The following CSMD1 variants were observed in gnomAD, a reference collection of about 807,000 sequenced individuals.
CSMD1 encodes the protein CUB and sushi domain-containing protein 1.
A neutral mutation model predicts 417.5 loss-of-function variants in CSMD1; 213 were observed. The ratio of observed to expected loss-of-function variants is 0.51; its 90% CI spans 0.46 to 0.57. CSMD1 has a LOEUF of 0.57. CSMD1 is among the 20% of genes least tolerant of loss of function. The probability of loss-of-function intolerance (pLI) is 0.00; values close to 1 mark genes in which losing one functional copy is unlikely to be tolerated. For missense variants in CSMD1, 6,923 were observed against 4,529.7 expected, an observed-to-expected ratio of 1.53 and a Z score of -15.17; for synonymous variants, 2,862 against 1,736.8, an observed-to-expected ratio of 1.65 and a Z score of -16.11.
At chr8:3,505,931 G>C (rs1411673326) in intron 10 of CSMD1, among the ~76,000 whole-genome samples, 2 of 152,126 alleles carry the variant, frequency 1.3e-5, no homozygotes, top group African/African-American at 4.8e-5. Context: ...ACACTAAAAA[G>C]AATGATCTCC....
rs1258943214 is a variant in CSMD1, at chr8:4,931,013, G to A, written c.85+63319C>T. ...AAGACAATATATGTATTATCAATGG[G>A]AGACATGAGAAAAAGGAAATCTGCC... On this transcript the variant is annotated intron_variant, in intron 1 of 69. Transcript: ENST00000635120. Among the ~76,000 whole-genome samples, 5 of 152,100 alleles carry A rather than the reference G, an allele frequency of 3.3e-5. No individual in the cohort carries two copies. The East Asian group carries it at 9.6e-4, about 29-fold the overall frequency.
Position 4,577,889 on chromosome 8 carries a change from G to C in CSMD1, c.302+59453C>G, listed in dbSNP as rs555563523. ...TATATATTTAATAACTAAATATATA[G>C]TAAATGTATCAAGTCCTAGGAAACA... On this transcript the variant is annotated intron_variant, in intron 2 of 69. Transcript: ENST00000635120. Among the ~76,000 whole-genome samples, 8 of 152,264 alleles carry C rather than the reference G, an allele frequency of 5.3e-5. No individual in the cohort carries two copies. The East Asian group carries it at 1.2e-3, about 22-fold the overall frequency.
At chr8:3,495,002 T>G (rs1796307251) in intron 10 of CSMD1, among the ~76,000 whole-genome samples, 1 of 152,192 alleles carries the variant, frequency 6.6e-6, no homozygotes, top group South Asian at 2.1e-4. Context: ...AAGGAATACA[T>G]TACATTTGCT....
chr8:4,326,647 C>T (rs532890262), intron 3 of CSMD1, among the ~76,000 whole-genome samples: 1 of 152,236 alleles, frequency 6.6e-6, no homozygotes, highest in East Asian at 1.9e-4. Flanking sequence ...AAAGCATCTA[C>T]CCAACGTTTC....
chr8:2,973,434 A>G (rs1804637066), intron 56 of CSMD1, 135 bp from the exon 57 acceptor site: 1 of 847,674 alleles, frequency 1.2e-6, no homozygotes, highest in Non-Finnish European at 1.8e-6. Flanking sequence ...ACATTCTGCA[A>G]TCTTGTAAGA....
chr8:2,999,417 G>A (rs1807204384), intron 53 of CSMD1, among the ~76,000 whole-genome samples: 2 of 152,078 alleles, frequency 1.3e-5, no homozygotes, highest in Non-Finnish European at 2.9e-5. Context: ...GCCTCCCAAA[G>A]TGCTGGGATT....
intron 3 of CSMD1, among the ~76,000 whole-genome samples, chr8:4,224,861 G>C (rs542554955): frequency 6.6e-6 from 1 of 152,188 alleles, no homozygotes. Context: ...TGTCATCCCA[G>C]CACTTTGGGA....
At chr8:4,068,832 T>C (rs978263286) in intron 3 of CSMD1, among the ~76,000 whole-genome samples, 48 of 152,342 alleles carry the variant, frequency 3.2e-4, no homozygotes, top group Admixed American at 1.1e-3. Context: ...GTGACATTCA[T>C]GTACTGTATC....
At chr8:3,047,510 C>T (rs997729101) in intron 50 of CSMD1, among the ~76,000 whole-genome samples, 9 of 152,132 alleles carry the variant, frequency 5.9e-5, no homozygotes, top group Non-Finnish European at 1.0e-4. Context: ...TGAGGGGTTG[C>T]GAGTACACAG....
At chr8:3,296,157 G>A (rs1313285404) in intron 25 of CSMD1, among the ~76,000 whole-genome samples, 2 of 152,012 alleles carry the variant, frequency 1.3e-5, no homozygotes, top group East Asian at 1.9e-4. Flanking sequence ...CTTAGGGGAG[G>A]AAGGGGAAGC....
At chr8:3,896,546 C>G (rs542083827) in intron 5 of CSMD1, among the ~76,000 whole-genome samples, 76 of 152,036 alleles carry the variant, frequency 5.0e-4, no homozygotes, top group Non-Finnish European at 9.9e-4. Context: ...GAGTCTCGCT[C>G]TGTCACCCAG....
At chr8:3,719,206 G>A (rs542735616) in intron 6 of CSMD1, among the ~76,000 whole-genome samples, 82 of 151,850 alleles carry the variant, frequency 5.4e-4, no homozygotes, top group Non-Finnish European at 1.0e-3. Context: ...TTTCCTACTG[G>A]GATTATCAAA....
intron 5 of CSMD1, among the ~76,000 whole-genome samples, chr8:3,896,755 T>G (rs1807399593): frequency 6.6e-6 from 1 of 152,076 alleles, no homozygotes; most frequent in African/African-American, 2.4e-5. Flanking sequence ...TTTTTTTTAA[T>G]TAAGAAATAT....
intron 10 of CSMD1, among the ~76,000 whole-genome samples, chr8:3,566,049 G>C (rs1415396557): frequency 6.6e-6 from 1 of 152,216 alleles, no homozygotes; most frequent in East Asian, 1.9e-4. Context: ...TGTCATACGG[G>C]ACCCTGTTTA....
intron 3 of CSMD1, among the ~76,000 whole-genome samples, chr8:4,072,501 A>G (rs1387493352): frequency 6.6e-6 from 1 of 152,190 alleles, no homozygotes; most frequent in Non-Finnish European, 1.5e-5. Flanking sequence ...ACTATAATCC[A>G]TGCAATTGCT....
chr8:3,929,010 T>C (rs540373010), intron 5 of CSMD1, among the ~76,000 whole-genome samples: 1 of 150,548 alleles, frequency 6.6e-6, no homozygotes, highest in African/African-American at 2.5e-5. Context: ...TTACCGATTT[T>C]TGGTTTCCCT....
intron 23 of CSMD1, among the ~76,000 whole-genome samples, chr8:3,321,418 T>C (rs1479120265): frequency 1.3e-5 from 2 of 152,268 alleles, no homozygotes; most frequent in East Asian, 1.9e-4. Context: ...CTACCCTGCA[T>C]ATTCCTCCTG....
At chr8:4,785,418 C>T (rs1797353457) in intron 1 of CSMD1, among the ~76,000 whole-genome samples, 1 of 152,044 alleles carries the variant, frequency 6.6e-6, no homozygotes, top group Non-Finnish European at 1.5e-5. Flanking sequence ...TACCAAAATG[C>T]CCCCACAGTG....
At chr8:4,157,172 T>C (rs1289795221) in intron 3 of CSMD1, among the ~76,000 whole-genome samples, 1 of 152,066 alleles carries the variant, frequency 6.6e-6, no homozygotes, top group Non-Finnish European at 1.5e-5. Context: ...CAGAAGAAGA[T>C]TTTGGGACAA....
Sources: gnomAD v4.1 joint callset for allele counts (sites outside exome capture counted in the v4.1 genomes callset) on GRCh38, gnomAD v4.1.1 for gene constraint, MANE v1.5 for transcripts, NCBI Gene and HGNC (gene_info 2026-07-23, HGNC 2026-07-21) for gene names.